H2AJ: variants seen among roughly 807,000 people sequenced by gnomAD.
The protein encoded by H2AJ is histone H2A.J.
A neutral mutation model predicts 7.9 loss-of-function variants in H2AJ; 3 were observed. The ratio of observed to expected loss-of-function variants is 0.38; its 90% CI spans 0.17 to 0.98. H2AJ has a LOEUF of 0.98. H2AJ is among the 50% of genes least tolerant of loss of function. H2AJ has a pLI of 0.39. For missense variants in H2AJ, 128 were observed against 174.4 expected (o/e 0.73, Z 1.50); for synonymous variants, 98 against 85.7 (o/e 1.14, Z -0.79).
chr12:14,776,146 A>G (rs1949637497), downstream of H2AJ: 1 of 167,074 alleles, frequency 6.0e-6, no homozygotes, highest in African/African-American at 2.4e-5. Flanking sequence ...CCCCAAAAAT[A>G]TATGTATATA....
downstream of H2AJ, chr12:14,775,226 CAAAGG>C (rs1949620096): frequency 4.1e-6 from 2 of 486,352 alleles, no homozygotes; most frequent in African/African-American, 3.9e-5. Context: ...GTCAGTAGGG[CAAAGG>C]GGAGGCAGAG....
At position 14,774,759 on chromosome 12, in the gene H2AJ, C is replaced by A. The variant is rs773329406; in HGVS notation, c.289C>A (p.Leu97Met). 1 of 1,614,104 alleles carries A rather than the reference C, an allele frequency of 6.2e-7. No homozygotes were observed. Among genetic ancestry groups the A allele is most frequent in the Admixed American group, 1.7e-5 (1 of 60,004 alleles). Residue 97 changes from leucine to methionine, a missense_variant, in exon 1 of 1, where the codon CTG becomes ATG. Transcript: ENST00000544848. ...CCGCAACGACGAGGAGTTAAACAAGCTGCTGGGCAAAGTGACCATCGCTCA... is the reference window on the plus strand; with the variant it reads ...CCGCAACGACGAGGAGTTAAACAAGATGCTGGGCAAAGTGACCATCGCTCA... The part of the protein sequence containing the change: ...AIRNDEELNK[L>M]LGKVTIAQGG...
Sources: gnomAD v4.1 joint callset for allele counts on GRCh38, gnomAD v4.1.1 for gene constraint, MANE v1.5 for transcripts, NCBI Gene and HGNC (gene_info 2026-07-23, HGNC 2026-07-21) for gene names.